SGIP1: variants seen among roughly 807,000 people sequenced by gnomAD.
SGIP1 encodes the protein SH3-containing GRB2-like protein 3-interacting protein 1.
SGIP1 carries 38 observed loss-of-function variants against 107.5 expected under a neutral mutation model. That is an observed-to-expected ratio of 0.35 (90% CI 0.27 to 0.46). The LOEUF is 0.46. SGIP1 is among the 20% of genes least tolerant of loss of function. The pLI is 1.00. For synonymous variants in SGIP1, 365 were observed against 366.1 expected (o/e 1.00, Z 0.03); for missense variants, 929 against 1,019.5 (o/e 0.91, Z 1.21).
At chr1:66,711,105 T>C (rs952501659) in intron 18 of SGIP1, among the ~76,000 whole-genome samples, 59 of 152,174 alleles carry the variant, frequency 3.9e-4, no homozygotes, top group African/African-American at 1.4e-3. Context: ...TTAAACTTTG[T>C]TAATAAAATA....
At chr1:66,684,945 G>A (rs920432465) in intron 15 of SGIP1, among the ~76,000 whole-genome samples, 4 of 152,122 alleles carry the variant, frequency 2.6e-5, no homozygotes, top group East Asian at 1.9e-4. Context: ...GGATTTCTAC[G>A]TAGAAAATTG....
chr1:66,688,997 A>G, intron 15 of SGIP1, 151 bp from the exon 16 acceptor site: 1 of 826,940 alleles, frequency 1.2e-6, no homozygotes. Flanking sequence ...ATTAAGAAAA[A>G]AAAGAGAAAA....
chr1:66,663,646 T>C (rs934908683), intron 8 of SGIP1, among the ~76,000 whole-genome samples: 1 of 152,188 alleles, frequency 6.6e-6, no homozygotes, highest in African/African-American at 2.4e-5. Context: ...CTTCTAGCTG[T>C]GTCTTTTGGG....
intron 6 of SGIP1, 41 bp from the exon 7 acceptor site, chr1:66,643,503 C>T: frequency 1.3e-6 from 2 of 1,553,022 alleles, no homozygotes; most frequent in Non-Finnish European, 1.7e-6. Flanking sequence ...TCGTTGCCTC[C>T]CAGTAGAAGA....
chr1:66,665,824 T>C (rs2082417368), intron 8 of SGIP1: 1 of 152,212 alleles, frequency 6.6e-6, no homozygotes, highest in African/African-American at 2.4e-5. Context: ...GGTTATTTGA[T>C]TTTTTCTTGT....
chr1:66,686,204 G>C (rs954324028), intron 15 of SGIP1, among the ~76,000 whole-genome samples: 3 of 152,138 alleles, frequency 2.0e-5, no homozygotes, highest in Non-Finnish European at 4.4e-5. Context: ...CCTGTGCCTT[G>C]ACCACTTCTC....
intron 1 of SGIP1, among the ~76,000 whole-genome samples, chr1:66,537,102 C>T (rs1430921607): frequency 2.0e-5 from 3 of 152,130 alleles, no homozygotes; most frequent in South Asian, 2.1e-4. Context: ...TGGAAGTCAA[C>T]GAAATAATTC....
At position 66,744,623 on chromosome 1, in the gene SGIP1, A is replaced by C. The variant is rs1436322865; in HGVS notation, c.*1528A>C. On this transcript the variant is annotated 3_prime_UTR_variant, in exon 25 of 25. Coordinates refer to ENST00000371037, the MANE Select transcript of SGIP1 (RefSeq NM_032291.4). ...TAACAAAGAATCTTTAGCCCCTTTA[A>C]ATTTTAGAATTAAATTAAATTTTTA... 1 of 152,078 alleles carries C rather than the reference A, an allele frequency of 6.6e-6. No homozygotes were observed. Among genetic ancestry groups the C allele is most frequent in the Non-Finnish European group, 1.5e-5 (1 of 67,928 alleles). 9.4% of individuals were successfully genotyped at this position (152,078 alleles called of 1,614,324 possible).
At chr1:66,694,323 CT>C in intron 17 of SGIP1, 9 of 826,318 alleles carry the variant, frequency 1.1e-5, no homozygotes, top group South Asian at 1.7e-5. Flanking sequence ...GTTTTGTTTC[CT>C]TTTTCCACTA....
chr1:66,672,698 C>T (rs1280570593), intron 11 of SGIP1, among the ~76,000 whole-genome samples: 1 of 151,794 alleles, frequency 6.6e-6, no homozygotes, highest in East Asian at 1.9e-4. Flanking sequence ...AGAAGGGATG[C>T]GAGTTTAACT....
At chr1:66,594,925 C>T (rs1040696629) in intron 1 of SGIP1, among the ~76,000 whole-genome samples, 5 of 152,106 alleles carry the variant, frequency 3.3e-5, no homozygotes, top group Admixed American at 6.6e-5. Flanking sequence ...AAATATTTTT[C>T]GCTCCTTTGG....
intron 7 of SGIP1, among the ~76,000 whole-genome samples, chr1:66,654,113 C>T (rs1282297761): frequency 6.6e-6 from 1 of 152,082 alleles, no homozygotes; most frequent in Admixed American, 6.5e-5. Flanking sequence ...ATGGATGCAC[C>T]ACGGGACATT....
chr1:66,631,095 GAA>G (rs1448514058), intron 2 of SGIP1, among the ~76,000 whole-genome samples: 1 of 136,462 alleles, frequency 7.3e-6, no homozygotes, highest in African/African-American at 2.6e-5. Context: ...AAGAAAGAAA[GAA>G]AGAAAAAAAG....
At chr1:66,673,135 A>T in intron 11 of SGIP1, 146 bp from the exon 12 acceptor site, 1 of 740,292 alleles carries the variant, frequency 1.4e-6, no homozygotes, top group South Asian at 1.7e-5. Flanking sequence ...TTCTAGCCCT[A>T]ACGGGGCTTG....
chr1:66,619,711 A>G (rs2070438204), intron 1 of SGIP1, among the ~76,000 whole-genome samples: 1 of 152,220 alleles, frequency 6.6e-6, no homozygotes, highest in Admixed American at 6.5e-5. Flanking sequence ...TCTAGGAGAC[A>G]GCATCATGGG....
intron 7 of SGIP1, among the ~76,000 whole-genome samples, chr1:66,652,105 A>G (rs909879346): frequency 1.3e-5 from 2 of 152,168 alleles, no homozygotes; most frequent in African/African-American, 4.8e-5. Context: ...TTTTGAGTAT[A>G]TATCTTATTA....
At position 66,642,869 on chromosome 1, in the gene SGIP1, CCTTT is replaced by C. The variant is rs1237498879; in HGVS notation, c.283+10_283+13del. The C allele has an allele frequency of 5.6e-6, 9 of 1,608,028 alleles. No homozygotes were observed. In the Admixed American group the frequency reaches 1.0e-4, roughly 18 times the overall value. On this transcript the variant is annotated splice_donor_region_variant and intron_variant, in intron 6 of 24. Coordinates refer to ENST00000371037, the MANE Select transcript of SGIP1 (RefSeq NM_032291.4). ...TCAGACCCGAGGAACCCGGCTATAT[CCTTT>C]CTTTATTTTTTTATTTTAATTTTCA...
At chr1:66,564,684 A>G (rs549869021) in intron 1 of SGIP1, among the ~76,000 whole-genome samples, 1 of 152,054 alleles carries the variant, frequency 6.6e-6, no homozygotes, top group East Asian at 1.9e-4. Flanking sequence ...TAAAAATGTA[A>G]TGGTAGGAGG....
Position 66,646,922 on chromosome 1 carries a change from A to T in SGIP1, c.459+3203A>T, listed in dbSNP as rs529280950. On this transcript the variant is annotated intron_variant, in intron 7 of 24. Coordinates refer to ENST00000371037, the MANE Select transcript of SGIP1 (RefSeq NM_032291.4). ...AATGCAGGAGTTAACTCACAGGTAA[A>T]GGATAATAATTCTTTTTCTTATCAT... 4.6e-5 allele frequency among the ~76,000 whole-genome samples: 7 copies of T among 152,312 alleles called. No homozygotes were observed. In the East Asian group the frequency reaches 1.3e-3, roughly 29 times the overall value.
Sources: allele counts gnomAD v4.1 joint callset (sites outside exome capture counted in the v4.1 genomes callset), GRCh38; gene constraint gnomAD v4.1.1; transcripts MANE v1.5; gene names NCBI Gene and HGNC (gene_info 2026-07-23, HGNC 2026-07-21).